The following TMEM132B variants were observed in gnomAD, a reference collection of about 807,000 sequenced individuals.
TMEM132B encodes transmembrane protein 132B.
TMEM132B carries 18 observed loss-of-function variants against 90.8 expected under a neutral mutation model. The ratio of observed to expected loss-of-function variants is 0.20; its 90% CI spans 0.14 to 0.29. The LOEUF (loss-of-function observed/expected upper bound fraction) is 0.29, where lower values mean the gene tolerates loss of function less well. Ranked by LOEUF, TMEM132B falls within the 10% of genes least tolerant of loss-of-function variation. The pLI, the probability that TMEM132B is intolerant of heterozygous loss-of-function variation, is 1.00. For missense variants in TMEM132B, 1,096 were observed against 1,326.8 expected (o/e 0.83, Z 2.70); for synonymous variants, 504 against 523.3 (o/e 0.96, Z 0.50).
chr12:125,303,639 C>T (rs769020122), intron 1 of TMEM132B, among the ~76,000 whole-genome samples: 3 of 152,196 alleles, frequency 2.0e-5, no homozygotes, highest in Non-Finnish European at 4.4e-5. Flanking sequence ...CATGTATTTT[C>T]CCAGACATTA....
intron 4 of TMEM132B, among the ~76,000 whole-genome samples, chr12:125,526,025 G>T (rs1244099392): frequency 2.0e-5 from 3 of 152,206 alleles, no homozygotes; most frequent in African/African-American, 7.2e-5. Flanking sequence ...GCGTGACTGT[G>T]TAAGGAGTGG....
intron 5 of TMEM132B, among the ~76,000 whole-genome samples, chr12:125,615,153 ATC>A (rs1163879463): frequency 3.3e-5 from 5 of 151,808 alleles, no homozygotes; most frequent in Admixed American, 6.6e-5. Flanking sequence ...CTGAGTGTGA[ATC>A]TCTGTCTCTA....
chr12:125,505,801 C>T (rs1052605181), intron 3 of TMEM132B, among the ~76,000 whole-genome samples: 1 of 152,110 alleles, frequency 6.6e-6, no homozygotes, highest in Admixed American at 6.5e-5. Context: ...CTTATTCAGT[C>T]TGAAGAACAC....
At chr12:125,652,157 G>A (rs1343305114) in intron 7 of TMEM132B, among the ~76,000 whole-genome samples, 1 of 152,202 alleles carries the variant, frequency 6.6e-6, no homozygotes. Context: ...TCAATGGACA[G>A]TTTTTTATTA....
chr12:125,650,773 C>T lies in TMEM132B; in HGVS notation c.1734C>T (p.Leu578=), dbSNP rs760916458. The T allele has an allele frequency of 6.2e-7, 1 of 1,614,230 alleles. No individual in the cohort carries two copies. Among genetic ancestry groups the T allele is most frequent in the East Asian group, 2.2e-5 (1 of 44,882 alleles). ...LQYQHATVRV[L]TQFVAESPDL... The stretch of plus-strand genomic sequence containing the variant: ...ACCAGCACGCCACAGTGCGTGTCCT[C>T]ACCCAGTTTGTGGCCGAGTCACCTG... Residue 578 remains leucine (L), a synonymous_variant, in exon 7 of 9, where the codon CTC becomes CTT. Transcript: ENST00000682704.
intron 2 of TMEM132B, among the ~76,000 whole-genome samples, chr12:125,392,755 A>C (rs939070719): frequency 5.3e-5 from 8 of 152,316 alleles, no homozygotes; most frequent in Admixed American, 3.9e-4. Flanking sequence ...TCTGCACTAC[A>C]CACTTGTGTG....
intron 2 of TMEM132B, among the ~76,000 whole-genome samples, chr12:125,360,136 AT>A (rs1309016359): frequency 1.3e-5 from 2 of 152,196 alleles, no homozygotes; most frequent in African/African-American, 4.8e-5. Context: ...GAGTCACTAC[AT>A]TTTTTAACAG....
chr12:125,644,070 C>T lies in TMEM132B; in HGVS notation c.1438-6C>T. 1 of 1,614,066 alleles carries T rather than the reference C, an allele frequency of 6.2e-7. No homozygotes were observed. Among genetic ancestry groups the T allele is most frequent in the Non-Finnish European group, 8.5e-7 (1 of 1,179,954 alleles). On this transcript the variant is annotated splice_polypyrimidine_tract_variant and splice_region_variant and intron_variant, in intron 5 of 8. Coordinates refer to ENST00000682704, the MANE Select transcript of TMEM132B (RefSeq NM_001366854.1). Reference sequence around the variant, plus strand: ...TGCATCTCAAGGTTCTACCTCCTTCCCAAAGGTTTCCAACAACTGTGATTC... The same window carrying T: ...TGCATCTCAAGGTTCTACCTCCTTCTCAAAGGTTTCCAACAACTGTGATTC...
chr12:125,566,145 T>G (rs2136812801), intron 4 of TMEM132B, among the ~76,000 whole-genome samples: 1 of 152,364 alleles, frequency 6.6e-6, no homozygotes, highest in Non-Finnish European at 1.5e-5. Context: ...CTTTAGTACC[T>G]GTGTTTCTTC....
At chr12:125,228,357 G>A (rs1374411549) in intron 1 of TMEM132B, among the ~76,000 whole-genome samples, 2 of 152,160 alleles carry the variant, frequency 1.3e-5, no homozygotes, top group Admixed American at 1.3e-4. Flanking sequence ...GAGTGAGGAG[G>A]GATTTGGCCC....
chr12:125,581,714 AT>A (rs35702958), intron 4 of TMEM132B, among the ~76,000 whole-genome samples: 289 of 146,606 alleles, frequency 2.0e-3, no homozygotes, highest in Non-Finnish European at 2.8e-3. Flanking sequence ...ACCTGTACTG[AT>A]TTTTTTTTTT....
At chr12:125,223,047 A>C (rs1359176635) in intron 1 of TMEM132B, among the ~76,000 whole-genome samples, 1 of 152,272 alleles carries the variant, frequency 6.6e-6, no homozygotes, top group Non-Finnish European at 1.5e-5. Context: ...GGATTTCAGG[A>C]AGTCGATGAA....
chr12:125,588,973 C>T (rs991264711), intron 5 of TMEM132B, among the ~76,000 whole-genome samples: 3 of 152,154 alleles, frequency 2.0e-5, no homozygotes, highest in African/African-American at 7.2e-5. Context: ...TCACATAGTG[C>T]TTGACCTGTA....
rs1887010754 is a variant in TMEM132B, at chr12:125,654,467, C to T, written c.3009C>T (p.Leu1003=). The change falls in exon 9 of 9, where the codon CTC becomes CTT. Residue 1003 remains leucine (L), a synonymous_variant. Coordinates refer to ENST00000682704, the MANE Select transcript of TMEM132B (RefSeq NM_001366854.1). The surrounding 1 kb of genome is among the most constrained non-coding windows in gnomAD (Gnocchi z 5.8). ...SSQKTFHSQL[L]RPSDYVYEKE... ...AGAAGACTTTTCATAGTCAACTACTCAGACCCTCTGACTATGTCTATGAGA... is the reference window on the plus strand; with the variant it reads ...AGAAGACTTTTCATAGTCAACTACTTAGACCCTCTGACTATGTCTATGAGA... The T allele has an allele frequency of 6.2e-7, 1 of 1,613,678 alleles. No homozygotes were observed. The highest frequency in any genetic ancestry group is 8.5e-7 in the Non-Finnish European group (1 of 1,180,026).
At chr12:125,597,336 T>C (rs1885462660) in intron 5 of TMEM132B, among the ~76,000 whole-genome samples, 1 of 152,226 alleles carries the variant, frequency 6.6e-6, no homozygotes, top group Non-Finnish European at 1.5e-5. Context: ...CTTGCCATTT[T>C]CGTGCTGTGT....
intron 3 of TMEM132B, among the ~76,000 whole-genome samples, chr12:125,476,596 C>T (rs563938198): frequency 5.3e-5 from 8 of 152,270 alleles, no homozygotes; most frequent in African/African-American, 1.2e-4. Flanking sequence ...GCTGAACATT[C>T]GTGTTCAAGT....
chr12:125,320,109 C>A (rs1043431108), intron 1 of TMEM132B, among the ~76,000 whole-genome samples: 3 of 152,182 alleles, frequency 2.0e-5, no homozygotes, highest in Non-Finnish European at 4.4e-5. Flanking sequence ...TGTGATGTCT[C>A]TGGGTCCTGC....
chr12:125,555,401 A>C (rs971326251), intron 4 of TMEM132B, among the ~76,000 whole-genome samples: 2 of 151,868 alleles, frequency 1.3e-5, no homozygotes, highest in Non-Finnish European at 1.5e-5. Flanking sequence ...AGCAATAGTA[A>C]GATTCTTGAG....
chr12:125,313,878 C>T (rs1876184136), intron 1 of TMEM132B, among the ~76,000 whole-genome samples: 1 of 151,122 alleles, frequency 6.6e-6, no homozygotes, highest in South Asian at 2.1e-4. Context: ...TCATTTTGCA[C>T]CGGGCCCCGC....
Sources: allele counts gnomAD v4.1 joint callset (sites outside exome capture counted in the v4.1 genomes callset), GRCh38; gene constraint gnomAD v4.1.1; non-coding constraint Gnocchi (gnomAD v3.1); transcripts MANE v1.5; gene names NCBI Gene and HGNC (gene_info 2026-07-23, HGNC 2026-07-21).